ACLY: variants seen among roughly 807,000 people sequenced by gnomAD.
ACLY encodes ATP citrate lyase.
In ACLY, 41 loss-of-function variants were observed where a neutral mutation model predicts 133.0. The ratio of observed to expected loss-of-function variants is 0.31; its 90% confidence interval spans 0.24 to 0.40. The LOEUF is 0.40. Among genes scored for constraint, ACLY ranks in the 10% least tolerant of loss-of-function variants. The pLI is 1.00. For missense variants in ACLY, 1,046 were observed against 1,453.8 expected (o/e 0.72, Z 4.56); for synonymous variants, 495 against 549.3 (o/e 0.90, Z 1.38).
At chr17:41,873,571 A>T (rs1448908996) in intron 23 of ACLY, among the ~76,000 whole-genome samples, 1 of 152,112 alleles carries the variant, frequency 6.6e-6, no homozygotes, top group Admixed American at 6.6e-5. Flanking sequence ...CCTAACCTCT[A>T]TCTTGCTGTC....
At chr17:41,894,266 G>T (rs1555629953) in intron 14 of ACLY, among the ~76,000 whole-genome samples, 1 of 148,466 alleles carries the variant, frequency 6.7e-6, no homozygotes, top group Non-Finnish European at 1.5e-5. Flanking sequence ...TGTAATCCCA[G>T]CTTCTTGGGA....
chr17:41,868,826 G>T, intron 27 of ACLY, 41 bp from the exon 28 acceptor site: 1 of 1,584,400 alleles, frequency 6.3e-7, no homozygotes, highest in Non-Finnish European at 8.7e-7. Context: ...AGGCTCACGT[G>T]ACTGCCCTCC....
intron 16 of ACLY, 41 bp downstream of exon 16, chr17:41,892,238 C>G: frequency 2.1e-6 from 1 of 470,204 alleles, no homozygotes; most frequent in Non-Finnish European, 3.3e-6. Context: ...GCGCATAGTT[C>G]ATGGTCCCCA....
intron 11 of ACLY, among the ~76,000 whole-genome samples, chr17:41,900,728 AAAT>A (rs1283391553): frequency 3.9e-5 from 6 of 152,004 alleles, no homozygotes; most frequent in African/African-American, 7.2e-5. Context: ...CTGTCTCAAA[AAAT>A]AATAATAATA....
At chr17:41,919,307 G>A (rs1285494466), upstream of ACLY, among the ~76,000 whole-genome samples, 1 of 152,098 alleles carries the variant, frequency 6.6e-6, no homozygotes, top group African/African-American at 2.4e-5. Context: ...GGGGAGTTGG[G>A]GGAGGGGCGG....
chr17:41,881,542 C>T (rs2048918389), intron 20 of ACLY, among the ~76,000 whole-genome samples: 1 of 152,064 alleles, frequency 6.6e-6, no homozygotes, highest in Non-Finnish European at 1.5e-5. Flanking sequence ...CAATTACTTC[C>T]TCATTTAAGT....
intron 3 of ACLY, among the ~76,000 whole-genome samples, chr17:41,912,047 G>A (rs545006304): frequency 6.6e-6 from 1 of 151,710 alleles, no homozygotes; most frequent in Admixed American, 6.6e-5. Flanking sequence ...CCAGGAGGCG[G>A]AGGTTGCAGT....
intron 4 of ACLY, 114 bp downstream of exon 4, chr17:41,910,108 G>T: frequency 9.3e-7 from 1 of 1,077,294 alleles, no homozygotes; most frequent in Non-Finnish European, 1.3e-6. Flanking sequence ...CAGCTTCAGG[G>T]ACCCTGGTCC....
intron 23 of ACLY, among the ~76,000 whole-genome samples, chr17:41,872,609 A>G (rs939247905): frequency 2.6e-5 from 4 of 152,186 alleles, no homozygotes; most frequent in Non-Finnish European, 5.9e-5. Flanking sequence ...ACATACAGGC[A>G]TGAGCCACCG....
At position 41,912,410 on chromosome 17, in the gene ACLY, GC is replaced by G. The variant is rs1354606045; in HGVS notation, c.282+9del. 1.9e-6 allele frequency: 3 copies of G among 1,613,554 alleles called. No homozygotes were observed. The highest frequency in any genetic ancestry group is 2.5e-6 in the Non-Finnish European group (3 of 1,179,790). On this transcript the variant is annotated intron_variant, in intron 3 of 28. Coordinates refer to ENST00000352035, the MANE Select transcript of ACLY (RefSeq NM_001096.3). ...CCACACACGTTCATCCTGACCCCAT[GC>G]CCACTCACTGTGGCTTCCTGTCCCA...
At chr17:41,874,985 T>C (rs1204415351) in intron 22 of ACLY, among the ~76,000 whole-genome samples, 1 of 147,090 alleles carries the variant, frequency 6.8e-6, no homozygotes, top group African/African-American at 2.5e-5. Context: ...GTCACCTGGG[T>C]AAGAAATGGT....
intron 16 of ACLY, among the ~76,000 whole-genome samples, chr17:41,890,629 G>A (rs868928890): frequency 5.9e-5 from 9 of 151,928 alleles, no homozygotes; most frequent in African/African-American, 1.9e-4. Flanking sequence ...CGGAGGTTGC[G>A]GTGAGCCGAG....
chr17:41,892,921 C>A, intron 15 of ACLY, 112 bp downstream of exon 15: 1 of 1,366,246 alleles, frequency 7.3e-7, no homozygotes, highest in Non-Finnish European at 1.0e-6. Context: ...TCAAGCAGTT[C>A]TCCCACCTCG....
chr17:41,875,614 G>A (rs1233540692), intron 22 of ACLY, among the ~76,000 whole-genome samples: 2 of 152,188 alleles, frequency 1.3e-5, no homozygotes, highest in East Asian at 1.9e-4. Flanking sequence ...ACTGGTTTTC[G>A]TATTTTTTTG....
At chr17:41,912,638 C>T in intron 2 of ACLY, 96 bp from the exon 3 acceptor site, 4 of 1,476,232 alleles carry the variant, frequency 2.7e-6, no homozygotes, top group Non-Finnish European at 3.7e-6. Context: ...ATTGACTTCC[C>T]ATTCACTCTG....
At chr17:41,918,115 C>T (rs1555634808) in intron 1 of ACLY, among the ~76,000 whole-genome samples, 5 of 152,254 alleles carry the variant, frequency 3.3e-5, no homozygotes, top group South Asian at 2.1e-4. Flanking sequence ...CATTGCCAGG[C>T]TCGACAGGAG....
chr17:41,910,264 G>A lies in ACLY; in HGVS notation c.303C>T (p.Phe101=). 4.3e-6 allele frequency: 7 copies of A among 1,613,850 alleles called. No homozygotes were observed. Among genetic ancestry groups the A allele is most frequent in the African/African-American group, 1.3e-5 (1 of 75,046 alleles). ...AGGGCTCGATCAGAAAGTTCTTGAG[G>A]AAGCCTGTGGCCTTGCCAACCTACA... The part of the protein sequence containing the change: ...QEATVGKATG[F]LKNFLIEPFV... Residue 101 remains phenylalanine, a synonymous_variant, in exon 4 of 29, where the codon TTC becomes TTT. Transcript: ENST00000352035.
Position 41,883,180 on chromosome 17 carries a change from A to G in ACLY, c.2207T>C (p.Leu736Pro). Reference protein sequence around the residue: ...KICRGIKEGRLTKPIVCWCIG... With the variant: ...KICRGIKEGRPTKPIVCWCIG... ...GCACCAGCAGACGATGGGCTTAGTG[A>G]GGCGGCCCTCCTTGATGCCCCGGCA... The change falls in exon 20 of 29, where the codon CTC (leucine) becomes CCC (proline). Residue 736 changes from leucine to proline, a missense_variant. Leu to Pro is a moderately conservative substitution (Grantham distance 98). Coordinates refer to ENST00000352035, the MANE Select transcript of ACLY (RefSeq NM_001096.3). The G allele has an allele frequency of 6.2e-7, 1 of 1,614,078 alleles. No individual in the cohort carries two copies. The highest frequency in any genetic ancestry group is 8.5e-7 in the Non-Finnish European group (1 of 1,180,034).
intron 16 of ACLY, among the ~76,000 whole-genome samples, chr17:41,889,524 C>CAAAAAAAAA (rs533387140): frequency 0.037 from 1,166 of 31,596 alleles, 453 homozygotes; most frequent in Middle Eastern, 0.083. Context: ...CTCCATTTCA[C>CAAAAAAAAA]AAAAAAAAAA....
Sources: allele counts gnomAD v4.1 joint callset (sites outside exome capture counted in the v4.1 genomes callset), GRCh38; gene constraint gnomAD v4.1.1; transcripts MANE v1.5; gene names NCBI Gene and HGNC (gene_info 2026-07-23, HGNC 2026-07-21).